The following ERI3 variants were observed in gnomAD, a reference collection of about 807,000 sequenced individuals.
The protein encoded by ERI3 is ERI1 exoribonuclease family member 3.
ERI3 carries 18 observed loss-of-function variants against 44.4 expected under a neutral mutation model. The ratio of observed to expected loss-of-function variants is 0.41; its 90% CI spans 0.28 to 0.60. ERI3 has a LOEUF of 0.60. ERI3 is among the 20% of genes least tolerant of loss of function. The pLI, the probability that ERI3 is intolerant of heterozygous loss-of-function variation, is 0.36. For synonymous variants in ERI3, 183 were observed against 164.8 expected, an observed-to-expected ratio of 1.11 and a Z score of -0.84; for missense variants, 294 against 435.5, an observed-to-expected ratio of 0.68 and a Z score of 2.89.
intron 2 of ERI3, among the ~76,000 whole-genome samples, chr1:44,346,731 A>C (rs1646791007): frequency 6.6e-6 from 1 of 152,168 alleles, no homozygotes. Context: ...TATATAATCT[A>C]GTGTTAAAAC....
In ERI3 at chr1:44,313,223, G is replaced by A. The variant is rs199600611; in HGVS notation, c.612C>T (p.Thr204=). 9.3e-5 allele frequency: 150 copies of A among 1,614,002 alleles called. 1 individual carries two copies. The Middle Eastern group carries it at 1.0e-3, about 11-fold the overall frequency. Residue 204 remains threonine (T), a synonymous_variant, in exon 5 of 9, where the codon ACC becomes ACT. Coordinates refer to ENST00000372257, the MANE Select transcript of ERI3 (RefSeq NM_024066.3). ...PQLTPFCTEL[T]GIIQAMVDGQ... ...CATCCACCATGGCTTGAATAATCCC[G>A]GTGAGCTGAAAGGAAAGAGAAATAG...
chr1:44,350,636 A>G (rs1272946781), intron 2 of ERI3, among the ~76,000 whole-genome samples: 2 of 152,170 alleles, frequency 1.3e-5, no homozygotes, highest in African/African-American at 2.4e-5. Context: ...AGTATCTCCA[A>G]CAAATTCTTT....
intron 6 of ERI3, among the ~76,000 whole-genome samples, chr1:44,287,538 C>T (rs1645418440): frequency 1.3e-5 from 2 of 152,232 alleles, no homozygotes; most frequent in Admixed American, 1.3e-4. Context: ...GTGACATTAA[C>T]TACAACTGGT....
intron 7 of ERI3, among the ~76,000 whole-genome samples, chr1:44,271,720 A>T (rs758097238): frequency 3.9e-5 from 6 of 152,236 alleles, no homozygotes; most frequent in Non-Finnish European, 7.3e-5. Context: ...TTACAAATGA[A>T]AAAAACCAAG....
chr1:44,326,291 C>T (rs1400130463), intron 3 of ERI3, among the ~76,000 whole-genome samples: 5 of 152,140 alleles, frequency 3.3e-5, no homozygotes, highest in East Asian at 1.9e-4. Flanking sequence ...CATGCAAAGA[C>T]GGGCCCTTTC....
intron 8 of ERI3, chr1:44,242,217 C>T: frequency 2.2e-6 from 2 of 919,680 alleles, no homozygotes; most frequent in African/African-American, 3.6e-5. Context: ...CCCTTCCCCA[C>T]AAGGCAGCTG....
chr1:44,249,971 A>G (rs144321227), intron 7 of ERI3, among the ~76,000 whole-genome samples: 3 of 152,290 alleles, frequency 2.0e-5, no homozygotes, highest in Non-Finnish European at 2.9e-5. Context: ...CCCCTCTAAA[A>G]AGGAAAAAGG....
chr1:44,322,214 C>T (rs1557850606), intron 3 of ERI3, among the ~76,000 whole-genome samples: 1 of 152,152 alleles, frequency 6.6e-6, no homozygotes, highest in Non-Finnish European at 1.5e-5. Flanking sequence ...TCTCTGGAAA[C>T]TTGGCCTTTG....
chr1:44,246,210 T>C (rs1322934450), intron 8 of ERI3, among the ~76,000 whole-genome samples: 1 of 152,224 alleles, frequency 6.6e-6, no homozygotes, highest in Non-Finnish European at 1.5e-5. Flanking sequence ...GGGAAGCTTC[T>C]TGTAGGTGTC....
intron 2 of ERI3, among the ~76,000 whole-genome samples, chr1:44,348,297 A>G (rs570848988): frequency 6.6e-6 from 1 of 152,300 alleles, no homozygotes; most frequent in South Asian, 2.1e-4. Flanking sequence ...CCGGAATACC[A>G]TTAAAAGGAT....
At chr1:44,345,219 G>A (rs779814788) in intron 2 of ERI3, among the ~76,000 whole-genome samples, 2 of 152,228 alleles carry the variant, frequency 1.3e-5, no homozygotes, top group African/African-American at 2.4e-5. Flanking sequence ...CTGGAGGGGT[G>A]AGCAGAGGGG....
At chr1:44,223,763 C>G (rs77549751) in intron 8 of ERI3, among the ~76,000 whole-genome samples, 1,851 of 152,284 alleles carry the variant, frequency 0.012, 70 homozygotes, top group East Asian at 0.069. Flanking sequence ...CTGTGCCTGG[C>G]CCTGTGCTGG....
rs757319168 is a variant in ERI3, at chr1:44,319,758, G to A, written c.490-14C>T. On this transcript the variant is annotated splice_polypyrimidine_tract_variant and intron_variant, in intron 3 of 8. Coordinates refer to ENST00000372257, the MANE Select transcript of ERI3 (RefSeq NM_024066.3). ...CTCGATGATTTCCTGGAGTGCCAAAGATACAGAAAAGGAAAAATAAGTTAT... is the reference window on the plus strand; with the variant it reads ...CTCGATGATTTCCTGGAGTGCCAAAAATACAGAAAAGGAAAAATAAGTTAT... The A allele has an allele frequency of 1.9e-6, 3 of 1,574,320 alleles. No homozygotes were observed. The highest frequency in any genetic ancestry group is 2.6e-6 in the Non-Finnish European group (3 of 1,144,544).
intron 8 of ERI3, among the ~76,000 whole-genome samples, chr1:44,236,782 A>G (rs1046179481): frequency 5.3e-5 from 8 of 152,022 alleles, no homozygotes; most frequent in African/African-American, 1.9e-4. Context: ...CAGAGTGGGG[A>G]CACTCTTCCG....
At chr1:44,337,925 C>T (rs948142791) in intron 3 of ERI3, among the ~76,000 whole-genome samples, 24 of 152,276 alleles carry the variant, frequency 1.6e-4, no homozygotes, top group African/African-American at 4.8e-4. Flanking sequence ...CACTCTATAA[C>T]CTAACCCTAT....
intron 7 of ERI3, among the ~76,000 whole-genome samples, chr1:44,259,906 G>A (rs1644858216): frequency 6.7e-6 from 1 of 149,652 alleles, no homozygotes; most frequent in Non-Finnish European, 1.5e-5. Context: ...TAGATAGATA[G>A]ATAGATAGAT....
intron 8 of ERI3, among the ~76,000 whole-genome samples, chr1:44,243,084 C>G (rs1644477155): frequency 6.6e-6 from 1 of 152,222 alleles, no homozygotes; most frequent in Non-Finnish European, 1.5e-5. Flanking sequence ...GATAGACACC[C>G]CACTCCTTCA....
chr1:44,316,307 T>A (rs1646087171), intron 4 of ERI3, among the ~76,000 whole-genome samples: 1 of 151,910 alleles, frequency 6.6e-6, no homozygotes, highest in South Asian at 2.1e-4. Context: ...GCAGGAGAGG[T>A]GAGAGGAAGA....
intron 2 of ERI3, among the ~76,000 whole-genome samples, chr1:44,347,982 C>T (rs796517213): frequency 3.9e-5 from 6 of 151,966 alleles, no homozygotes; most frequent in African/African-American, 1.4e-4. Flanking sequence ...AGGGTAAGGA[C>T]CACATTTTAT....
Sources: allele counts gnomAD v4.1 joint callset (sites outside exome capture counted in the v4.1 genomes callset), GRCh38; gene constraint gnomAD v4.1.1; transcripts MANE v1.5; gene names NCBI Gene and HGNC (gene_info 2026-07-23, HGNC 2026-07-21).